KCNIP4: variants seen among roughly 807,000 people sequenced by gnomAD.
The protein encoded by KCNIP4 is Kv channel-interacting protein 4.
KCNIP4 carries 12 observed loss-of-function variants against 34.0 expected under a neutral mutation model. The observed-to-expected ratio is 0.35, with a 90% CI of 0.23 to 0.57. KCNIP4 has a LOEUF of 0.57. Ranked by LOEUF, KCNIP4 falls within the 20% of genes least tolerant of loss-of-function variation. KCNIP4 has a pLI of 0.83. For synonymous variants in KCNIP4, 124 were observed against 102.2 expected, an observed-to-expected ratio of 1.21 and a Z score of -1.29; for missense variants, 238 against 311.7, an observed-to-expected ratio of 0.76 and a Z score of 1.78.
intron 1 of KCNIP4, among the ~76,000 whole-genome samples, chr4:21,805,738 A>G (rs1027969261): frequency 6.6e-6 from 1 of 152,092 alleles, no homozygotes; most frequent in Admixed American, 6.6e-5. Flanking sequence ...GCAAAATGGG[A>G]GTGGAAAATC....
At chr4:21,249,443 T>C (rs1480399812) in intron 1 of KCNIP4, among the ~76,000 whole-genome samples, 1 of 152,104 alleles carries the variant, frequency 6.6e-6, no homozygotes, top group African/African-American at 2.4e-5. Context: ...AACCTTGGAA[T>C]CACATTAAGT....
At chr4:20,878,504 T>C (rs890939016) in intron 2 of KCNIP4, among the ~76,000 whole-genome samples, 7 of 152,188 alleles carry the variant, frequency 4.6e-5, no homozygotes, top group Non-Finnish European at 8.8e-5. Context: ...GGTTTACTTC[T>C]GCTATAACAC....
At chr4:21,533,253 T>A (rs1736855788) in intron 1 of KCNIP4, among the ~76,000 whole-genome samples, 1 of 152,158 alleles carries the variant, frequency 6.6e-6, no homozygotes, top group Non-Finnish European at 1.5e-5. Context: ...TTTCATTTTT[T>A]AAATAAATTT....
chr4:21,317,883 G>A (rs1713953046), intron 1 of KCNIP4, among the ~76,000 whole-genome samples: 1 of 152,168 alleles, frequency 6.6e-6, no homozygotes, highest in South Asian at 2.1e-4. Context: ...TGCCATGTGA[G>A]GCGTGTCTTT....
chr4:21,665,631 C>T, intron 1 of KCNIP4, among the ~76,000 whole-genome samples: 1 of 151,754 alleles, frequency 6.6e-6, no homozygotes, highest in East Asian at 1.9e-4. Context: ...ACAAAGTGTA[C>T]CTGACTAGTA....
chr4:21,907,243 T>C (rs1369613657), intron 1 of KCNIP4, among the ~76,000 whole-genome samples: 1 of 152,132 alleles, frequency 6.6e-6, no homozygotes, highest in East Asian at 1.9e-4. Context: ...GTTCTCGCTC[T>C]TGCAGGACTA....
At chr4:21,084,239 A>C (rs1001321518) in intron 1 of KCNIP4, among the ~76,000 whole-genome samples, 2 of 151,994 alleles carry the variant, frequency 1.3e-5, no homozygotes, top group South Asian at 4.1e-4. Context: ...CCTTGTGACT[A>C]GCAGAAAAGA....
At position 21,420,093 on chromosome 4, in the gene KCNIP4, A is replaced by G. The variant is rs548380966; in HGVS notation, c.61+528478T>C. On this transcript the variant is annotated intron_variant, in intron 1 of 8. Coordinates refer to ENST00000382152, the MANE Select transcript of KCNIP4 (RefSeq NM_025221.6). ...CAATCTGTTCTATGTATCCTCACGAAATAGACAGACACTGTATACCTACTT... is the reference window on the plus strand; with the variant it reads ...CAATCTGTTCTATGTATCCTCACGAGATAGACAGACACTGTATACCTACTT... 3.3e-5 allele frequency among the ~76,000 whole-genome samples: 5 copies of G among 152,274 alleles called. No homozygotes were observed. The South Asian group carries it at 1.0e-3, about 32-fold the overall frequency.
intron 1 of KCNIP4, among the ~76,000 whole-genome samples, chr4:21,276,789 C>T (rs186986081): frequency 6.6e-6 from 1 of 152,240 alleles, no homozygotes; most frequent in Admixed American, 6.5e-5. Context: ...AGTTTTGGGC[C>T]AATGAGGTGT....
intron 1 of KCNIP4, chr4:21,697,666 C>T (rs1299298828): frequency 1.6e-6 from 2 of 1,287,058 alleles, no homozygotes; most frequent in African/African-American, 1.6e-5. Flanking sequence ...GAAAACACGG[C>T]TTCTCAGTGT....
At chr4:20,953,295 T>C (rs928148638) in intron 1 of KCNIP4, among the ~76,000 whole-genome samples, 5 of 152,204 alleles carry the variant, frequency 3.3e-5, no homozygotes, top group South Asian at 4.1e-4. Flanking sequence ...TTTACCTTTT[T>C]GTAGTATCTG....
chr4:21,219,336 T>G (rs1336001631), intron 1 of KCNIP4, among the ~76,000 whole-genome samples: 1 of 152,188 alleles, frequency 6.6e-6, no homozygotes. Flanking sequence ...CCCACTGATG[T>G]CACAGAAAGA....
At chr4:21,279,994 C>T (rs543056142) in intron 1 of KCNIP4, among the ~76,000 whole-genome samples, 1 of 152,126 alleles carries the variant, frequency 6.6e-6, no homozygotes, top group Non-Finnish European at 1.5e-5. Context: ...TACACTACTG[C>T]CACATTCCTC....
In KCNIP4 at chr4:21,272,111, C is replaced by A. The variant is rs74518182; in HGVS notation, c.62-389402G>T. On this transcript the variant is annotated intron_variant, in intron 1 of 8. Transcript: ENST00000382152. The stretch of plus-strand genomic sequence containing the variant: ...GTTTTATAGTGGTCAGGCACATGGA[C>A]TCAAAGCTGGACTGCTGGGTTCCAT... 5.0e-3 allele frequency among the ~76,000 whole-genome samples: 757 copies of A among 152,258 alleles called. 7 individuals carry two copies. The highest frequency in any genetic ancestry group is 0.018 in the African/African-American group (733 of 41,546).
chr4:21,196,612 T>G (rs1340953305), intron 1 of KCNIP4, among the ~76,000 whole-genome samples: 1 of 152,190 alleles, frequency 6.6e-6, no homozygotes, highest in Non-Finnish European at 1.5e-5. Flanking sequence ...TTCTGACACT[T>G]GGTTTGCTGT....
At chr4:21,770,292 T>G (rs1459117641) in intron 1 of KCNIP4, among the ~76,000 whole-genome samples, 1 of 152,186 alleles carries the variant, frequency 6.6e-6, no homozygotes, top group Non-Finnish European at 1.5e-5. Flanking sequence ...GCAAAAGATA[T>G]GGCCTCATTC....
At chr4:20,938,064 G>A (rs1372595934) in intron 1 of KCNIP4, among the ~76,000 whole-genome samples, 9 of 152,034 alleles carry the variant, frequency 5.9e-5, no homozygotes, top group African/African-American at 1.9e-4. Flanking sequence ...ACATGAACAG[G>A]GTTTCTCATA....
At chr4:21,879,510 T>C (rs970347545) in intron 1 of KCNIP4, among the ~76,000 whole-genome samples, 6 of 152,296 alleles carry the variant, frequency 3.9e-5, no homozygotes, top group Admixed American at 2.6e-4. Context: ...AGGCTTCTTG[T>C]CCAAACTTTA....
intron 1 of KCNIP4, among the ~76,000 whole-genome samples, chr4:21,874,168 G>A (rs985311712): frequency 5.3e-5 from 8 of 152,164 alleles, no homozygotes; most frequent in Non-Finnish European, 1.0e-4. Flanking sequence ...TGTCACATTC[G>A]ATTACAATGT....
Sources: gnomAD v4.1 joint callset for allele counts (sites outside exome capture counted in the v4.1 genomes callset) on GRCh38, gnomAD v4.1.1 for gene constraint, MANE v1.5 for transcripts, NCBI Gene and HGNC (gene_info 2026-07-23, HGNC 2026-07-21) for gene names.